NXN: variants seen among roughly 807,000 people sequenced by gnomAD.
The protein encoded by NXN is nucleoredoxin 1.
Under a neutral mutation model 48.6 loss-of-function variants are expected in NXN, and 16 were observed. That is an observed-to-expected ratio of 0.33 (90% confidence interval 0.22 to 0.50). The LOEUF is 0.50. Among genes scored for constraint, NXN ranks in the 20% least tolerant of loss-of-function variants. NXN has a pLI of 0.98. For missense variants in NXN, 492 were observed against 605.5 expected, an observed-to-expected ratio of 0.81 and a Z score of 1.97; for synonymous variants, 281 against 269.6, an observed-to-expected ratio of 1.04 and a Z score of -0.41.
intron 1 of NXN, among the ~76,000 whole-genome samples, chr17:885,664 G>C (rs539512832): frequency 7.4e-6 from 1 of 135,352 alleles, no homozygotes; most frequent in Non-Finnish European, 1.6e-5. Context: ...TGGGGGCTGC[G>C]GTACTCGCTT....
chr17:952,270 G>C (rs1274441987), intron 1 of NXN, among the ~76,000 whole-genome samples: 5 of 7,018 alleles, frequency 7.1e-4, no homozygotes, highest in African/African-American at 4.0e-3. Context: ...ACCAAGGTTG[G>C]AACCCGGCAG....
At chr17:867,895 C>G (rs1353568568) in intron 1 of NXN, among the ~76,000 whole-genome samples, 1 of 121,896 alleles carries the variant, frequency 8.2e-6, no homozygotes, top group Non-Finnish European at 1.8e-5. Flanking sequence ...GACTCCAACT[C>G]AAAAAAAAAA....
intron 1 of NXN, among the ~76,000 whole-genome samples, chr17:843,857 T>C (rs2067828773): frequency 6.6e-6 from 1 of 152,148 alleles, no homozygotes; most frequent in South Asian, 2.1e-4. Flanking sequence ...GTTAAGTTCA[T>C]TCACAAAGAG....
At chr17:802,948 G>A (rs933609352) in intron 7 of NXN, among the ~76,000 whole-genome samples, 1 of 151,758 alleles carries the variant, frequency 6.6e-6, no homozygotes, top group Non-Finnish European at 1.5e-5. Flanking sequence ...GTGGGGTGGG[G>A]TGGGGTGGGG....
intron 5 of NXN, among the ~76,000 whole-genome samples, chr17:805,909 T>C (rs1911470322): frequency 6.6e-6 from 1 of 151,968 alleles, no homozygotes. Flanking sequence ...TCACTGCTGG[T>C]CTCCCAAAGA....
chr17:970,019 G>A (rs1245047032), intron 1 of NXN, among the ~76,000 whole-genome samples: 3 of 152,190 alleles, frequency 2.0e-5, no homozygotes, highest in South Asian at 2.1e-4. Context: ...AGGAAGCGAC[G>A]AAGTGAAGCT....
chr17:812,467 ACAGACT>A (rs1288190881), intron 5 of NXN, among the ~76,000 whole-genome samples: 4 of 152,178 alleles, frequency 2.6e-5, no homozygotes, highest in Admixed American at 2.0e-4. Flanking sequence ...CAGGGCACAG[ACAGACT>A]CAAACAGGGA....
chr17:950,584 C>T (rs1484357234), intron 1 of NXN, among the ~76,000 whole-genome samples: 1 of 151,770 alleles, frequency 6.6e-6, no homozygotes, highest in African/African-American at 2.4e-5. Flanking sequence ...GGGGTGCAAA[C>T]GGCCAGGCCA....
At position 814,056 on chromosome 17, in the gene NXN, C is replaced by A. The variant is rs775593664; in HGVS notation, c.820+5383G>T. On this transcript the variant is annotated intron_variant, in intron 5 of 7. Coordinates refer to ENST00000336868, the MANE Select transcript of NXN (RefSeq NM_022463.5). ...CAGGCAGATCACATGAGGTCAGGAG[C>A]TCAAGACCAGGCTGGCCAACATGGT... Among the ~76,000 whole-genome samples, 5 of 151,900 alleles carry A rather than the reference C, an allele frequency of 3.3e-5. No individual in the cohort carries two copies. In the South Asian group the frequency reaches 1.0e-3, roughly 32 times the overall value.
intron 1 of NXN, among the ~76,000 whole-genome samples, chr17:966,369 T>C (rs1230205055): frequency 6.6e-6 from 1 of 151,988 alleles, no homozygotes; most frequent in South Asian, 2.1e-4. Context: ...TCTTTTGAGA[T>C]GGAGTTTCGC....
intron 1 of NXN, among the ~76,000 whole-genome samples, chr17:899,688 G>T (rs1051415604): frequency 2.0e-5 from 3 of 152,090 alleles, no homozygotes; most frequent in Non-Finnish European, 4.4e-5. Flanking sequence ...TTTCCTGGGA[G>T]ACAGTAAAAA....
At chr17:826,280 C>T (rs562952041) in intron 1 of NXN, among the ~76,000 whole-genome samples, 1 of 151,230 alleles carries the variant, frequency 6.6e-6, no homozygotes. Context: ...TGTGACAGTG[C>T]GGGGGGCTCC....
chr17:861,299 A>G (rs992052770), intron 1 of NXN, among the ~76,000 whole-genome samples: 12 of 152,052 alleles, frequency 7.9e-5, no homozygotes, highest in African/African-American at 2.9e-4. Context: ...ATGCTCGGCT[A>G]ATTTTTCTGT....
rs111362005 is a variant in NXN, at chr17:928,693, G to A, written c.360+50626C>T. Among the ~76,000 whole-genome samples the A allele has an allele frequency of 4.8e-3, 725 of 152,144 alleles. 8 individuals are homozygous for A. The highest frequency in any genetic ancestry group is 0.025 in the South Asian group (122 of 4,814). ...TCTACTAAAAATACAAAAATTAGCC[G>A]GGCGTGGTGGTGGGCACCTGTAATC... On this transcript the variant is annotated intron_variant, in intron 1 of 7. Transcript: ENST00000336868.
At chr17:906,572 GT>G (rs150140562) in intron 1 of NXN, among the ~76,000 whole-genome samples, 19,684 of 145,752 alleles carry the variant, frequency 0.14, 1,357 homozygotes, top group Non-Finnish European at 0.16. Flanking sequence ...TGGTTTCTGG[GT>G]TTTTTTTTTT....
At position 849,550 on chromosome 17, in the gene NXN, G is replaced by A. The variant is rs1049621993; in HGVS notation, c.361-23472C>T. The stretch of plus-strand genomic sequence containing the variant: ...AAAAGATGGGAGCTTCCCAACCAGC[G>A]TGCTAGGAGCAGGCTCCAGGAGGGC... On this transcript the variant is annotated intron_variant, in intron 1 of 7. Coordinates refer to ENST00000336868, the MANE Select transcript of NXN (RefSeq NM_022463.5). This position sits in a 1 kb window ranked among gnomAD's most constrained non-coding sequence, Gnocchi z 4.2. Among the ~76,000 whole-genome samples the A allele has an allele frequency of 2.6e-5, 4 of 151,858 alleles. No homozygotes were observed. In the East Asian group the frequency reaches 5.8e-4, roughly 22 times the overall value.
chr17:896,755 G>T, intron 1 of NXN: 2 of 713,420 alleles, frequency 2.8e-6, no homozygotes, highest in Non-Finnish European at 3.6e-6. Flanking sequence ...TCTGGTAATA[G>T]AACCTTCTCC....
At chr17:948,719 G>A (rs145692287) in intron 1 of NXN, among the ~76,000 whole-genome samples, 1,694 of 151,766 alleles carry the variant, frequency 0.011, 14 homozygotes, top group Middle Eastern at 0.058. Flanking sequence ...GGCCCGTCCC[G>A]CCCCAGCGCT....
rs868738248 is a variant in NXN at position 942,575 on chromosome 17, T to C, written c.360+36744A>G. Among the ~76,000 whole-genome samples the C allele has an allele frequency of 1.6e-3, 81 of 51,808 alleles. 1 individual carries two copies. The highest frequency in any genetic ancestry group is 2.2e-3 in the Non-Finnish European group (66 of 29,788). 34.0% of individuals were successfully genotyped at this position (51,808 alleles called of 152,430 possible). A position where few individuals can be genotyped will look rare whatever the true frequency, so the allele number is the denominator to read the frequency against. On this transcript the variant is annotated intron_variant, in intron 1 of 7. Transcript: ENST00000336868. ...ATTTACGGTGAACAAGATTCCAGGG[T>C]GCAGCCATGAATTCACCAAACACCT...
Sources: gnomAD v4.1 joint callset for allele counts (sites outside exome capture counted in the v4.1 genomes callset) on GRCh38, gnomAD v4.1.1 for gene constraint, Gnocchi (gnomAD v3.1) non-coding constraint, MANE v1.5 for transcripts, NCBI Gene and HGNC (gene_info 2026-07-23, HGNC 2026-07-21) for gene names.